The following PSD3 variants were observed in gnomAD, a reference collection of about 807,000 sequenced individuals.
PSD3 encodes the protein pleckstrin and Sec7 domain containing 3.
Under a neutral mutation model 105.5 loss-of-function variants are expected in PSD3, and 49 were observed. The ratio of observed to expected loss-of-function variants is 0.46; its 90% confidence interval spans 0.37 to 0.59. The LOEUF is 0.59. PSD3 is among the 20% of genes least tolerant of loss of function. The probability of loss-of-function intolerance (pLI) is 0.00; values close to 1 mark genes in which losing one functional copy is unlikely to be tolerated. For synonymous variants in PSD3, 557 were observed against 457.8 expected, an observed-to-expected ratio of 1.22 and a Z score of -2.77; for missense variants, 1,561 against 1,263.8, an observed-to-expected ratio of 1.24 and a Z score of -3.57.
chr8:18,535,882 G>A lies in PSD3; in HGVS notation c.3005C>T (p.Ala1002Val). 6.2e-7 allele frequency: 1 copy of A among 1,614,180 alleles called. No individual in the cohort carries two copies. Residue 1002 changes from alanine (A) to valine (V), a missense_variant, in exon 16 of 16, where the codon GCT (alanine) becomes GTT (valine). Coordinates refer to ENST00000327040, the MANE Select transcript of PSD3 (RefSeq NM_015310.4). ...KELLSNDESE[A>V]AGLKKSHSSP... Reference sequence around the variant, plus strand: ...CGAGTGCGACTTCTTCAGTCCTGCAGCCTCGCTTTCATCGTTACTCAGTAG... The same window carrying A: ...CGAGTGCGACTTCTTCAGTCCTGCAACCTCGCTTTCATCGTTACTCAGTAG...
intron 9 of PSD3, among the ~76,000 whole-genome samples, chr8:18,657,504 G>C (rs1481658027): frequency 1.3e-5 from 2 of 152,086 alleles, no homozygotes; most frequent in African/African-American, 4.8e-5. Flanking sequence ...ACACAAAAGG[G>C]ATAGAACGTA....
chr8:18,797,907 T>A (rs1029868262), intron 8 of PSD3, among the ~76,000 whole-genome samples: 3 of 152,112 alleles, frequency 2.0e-5, no homozygotes, highest in African/African-American at 7.2e-5. Context: ...ACTGACTTGA[T>A]TCAATGTTAT....
intron 9 of PSD3, chr8:18,683,760 T>C (rs558767430): frequency 3.9e-6 from 3 of 764,514 alleles, no homozygotes; most frequent in Non-Finnish European, 7.2e-6. Context: ...AGGTTCAATG[T>C]GGTATTTCTT....
chr8:18,750,693 T>A (rs913435511), intron 9 of PSD3, among the ~76,000 whole-genome samples: 6 of 151,898 alleles, frequency 4.0e-5, no homozygotes, highest in East Asian at 2.0e-4. Context: ...GGGCGCTGAG[T>A]GGTGCGTTTA....
At chr8:18,647,605 GTT>G (rs11293600) in intron 10 of PSD3, among the ~76,000 whole-genome samples, 154 of 117,740 alleles carry the variant, frequency 1.3e-3, no homozygotes, top group African/African-American at 2.3e-3. Context: ...ATTTAAAACT[GTT>G]TTTTTTTTTT....
At chr8:18,619,572 G>A (rs1805955422) in intron 11 of PSD3, among the ~76,000 whole-genome samples, 2 of 151,936 alleles carry the variant, frequency 1.3e-5, no homozygotes. Context: ...GAACCCGGGA[G>A]GCAGAGGTTG....
chr8:18,560,211 A>ACACACACACAC (rs1563322125), intron 14 of PSD3, among the ~76,000 whole-genome samples: 33 of 130,424 alleles, frequency 2.5e-4, no homozygotes, highest in African/African-American at 8.8e-4. Flanking sequence ...CACACACACA[A>ACACACACACAC]ACAAAAAAAC....
intron 1 of PSD3, among the ~76,000 whole-genome samples, chr8:19,073,821 C>A (rs1044564981): frequency 2.0e-5 from 3 of 150,658 alleles, no homozygotes; most frequent in African/African-American, 7.3e-5. Flanking sequence ...GACAGAATCT[C>A]GCTCTGTCGC....
At chr8:18,663,754 T>C (rs1414999088) in intron 9 of PSD3, among the ~76,000 whole-genome samples, 2 of 152,332 alleles carry the variant, frequency 1.3e-5, no homozygotes, top group East Asian at 1.9e-4. Context: ...GTTTTAAGTA[T>C]AGGGATACCT....
intron 9 of PSD3, among the ~76,000 whole-genome samples, chr8:18,673,317 T>C (rs1799891615): frequency 2.0e-5 from 3 of 152,170 alleles, no homozygotes; most frequent in Admixed American, 6.5e-5. Context: ...CCTCATATTA[T>C]TGTGACTATA....
chr8:18,555,638 C>T (rs998535333), intron 15 of PSD3, among the ~76,000 whole-genome samples: 2 of 152,214 alleles, frequency 1.3e-5, no homozygotes, highest in African/African-American at 2.4e-5. Flanking sequence ...TTAAATTTTA[C>T]ACTTTTCCAT....
intron 1 of PSD3, among the ~76,000 whole-genome samples, chr8:19,074,814 G>A (rs1048250252): frequency 5.3e-5 from 8 of 151,136 alleles, no homozygotes. Context: ...TGGAGACGGG[G>A]TTTCACCGTG....
intron 4 of PSD3, among the ~76,000 whole-genome samples, chr8:18,859,469 C>G (rs1163455940): frequency 4.6e-5 from 7 of 152,174 alleles, no homozygotes. Flanking sequence ...CTTGTCCTTT[C>G]AAGCTTTAAG....
intron 8 of PSD3, among the ~76,000 whole-genome samples, chr8:18,790,789 G>A (rs145572275): frequency 1.4e-3 from 213 of 150,926 alleles, no homozygotes; most frequent in African/African-American, 4.7e-3. Context: ...CAGGGATGAC[G>A]GCCTTGGGGC....
chr8:19,084,580 G>C, exon 1 of PSD3: 1 of 361,016 alleles, frequency 2.8e-6, no homozygotes, highest in South Asian at 2.0e-5. Context: ...AGCCAGCCCA[G>C]TGTCTTGGAG....
intron 1 of PSD3, among the ~76,000 whole-genome samples, chr8:19,065,439 T>C (rs1829044143): frequency 6.6e-6 from 1 of 152,162 alleles, no homozygotes; most frequent in Admixed American, 6.5e-5. Context: ...CTGACAAGAC[T>C]GCACCCCCTG....
chr8:19,070,939 C>T (rs571743252), intron 1 of PSD3, among the ~76,000 whole-genome samples: 55 of 152,194 alleles, frequency 3.6e-4, no homozygotes, highest in Non-Finnish European at 5.1e-4. Context: ...GCAGGCCTGG[C>T]TTAGTGTTTT....
intron 2 of PSD3, among the ~76,000 whole-genome samples, chr8:18,932,091 C>T (rs1022218684): frequency 1.3e-5 from 2 of 152,232 alleles, no homozygotes; most frequent in Non-Finnish European, 2.9e-5. Context: ...TAAGCGGTTT[C>T]CTAACAGCTA....
At chr8:18,898,977 A>G (rs1298716730) in intron 2 of PSD3, among the ~76,000 whole-genome samples, 1 of 152,168 alleles carries the variant, frequency 6.6e-6, no homozygotes, top group Non-Finnish European at 1.5e-5. Context: ...TGTTTCTTCT[A>G]TACAGTACCA....
Sources: allele counts gnomAD v4.1 joint callset (sites outside exome capture counted in the v4.1 genomes callset), GRCh38; gene constraint gnomAD v4.1.1; transcripts MANE v1.5; gene names NCBI Gene and HGNC (gene_info 2026-07-23, HGNC 2026-07-21).